Variants in BRINP1 observed in about 807,000 individuals in gnomAD.
The protein encoded by BRINP1 is BMP/retinoic acid inducible neural specific 1, also known as BMP/retinoic acid-inducible neural-specific protein 1.
A neutral mutation model predicts 72.9 loss-of-function variants in BRINP1; 17 were observed. The observed-to-expected ratio is 0.23, with a 90% CI of 0.16 to 0.35. The LOEUF is 0.35. Ranked by LOEUF, BRINP1 falls within the 10% of genes least tolerant of loss-of-function variation. BRINP1 has a pLI of 1.00. For missense variants in BRINP1, 850 were observed against 1,001.6 expected (o/e 0.85, Z 2.04); for synonymous variants, 418 against 378.5 (o/e 1.10, Z -1.21).
At chr9:119,314,805 A>G (rs373513852) in intron 1 of BRINP1, among the ~76,000 whole-genome samples, 1 of 152,172 alleles carries the variant, frequency 6.6e-6, no homozygotes, top group Non-Finnish European at 1.5e-5. Context: ...TAATAATAGC[A>G]CCTACACTCA....
chr9:119,225,239 T>C (rs1246536076), intron 5 of BRINP1, among the ~76,000 whole-genome samples: 2 of 152,046 alleles, frequency 1.3e-5, no homozygotes, highest in Non-Finnish European at 2.9e-5. Flanking sequence ...TGCTACAACA[T>C]AGATGAACCT....
At chr9:119,333,952 G>C (rs930627596) in intron 1 of BRINP1, among the ~76,000 whole-genome samples, 4 of 152,198 alleles carry the variant, frequency 2.6e-5, no homozygotes, top group African/African-American at 9.7e-5. Context: ...GTGTTTTGCA[G>C]ATTAAGGGGC....
chr9:119,365,064 A>G (rs1302789518), intron 1 of BRINP1, among the ~76,000 whole-genome samples: 1 of 152,252 alleles, frequency 6.6e-6, no homozygotes, highest in African/African-American at 2.4e-5. Flanking sequence ...GACCATACTG[A>G]AGAGGGTAAG....
At chr9:119,185,782 G>T (rs2118843655) in intron 7 of BRINP1, among the ~76,000 whole-genome samples, 1 of 152,306 alleles carries the variant, frequency 6.6e-6, no homozygotes, top group East Asian at 1.9e-4. Flanking sequence ...TTAGGGAACT[G>T]CCTGGAGTTT....
intron 5 of BRINP1, among the ~76,000 whole-genome samples, chr9:119,219,354 G>C (rs1024532086): frequency 5.3e-5 from 8 of 152,044 alleles, no homozygotes; most frequent in African/African-American, 1.9e-4. Flanking sequence ...AACATGCTAA[G>C]AATGCATTTT....
chr9:119,205,788 C>G (rs376429868), intron 7 of BRINP1, among the ~76,000 whole-genome samples: 98 of 152,270 alleles, frequency 6.4e-4, no homozygotes, highest in African/African-American at 2.0e-3. Flanking sequence ...GGATCTTACT[C>G]TCCATTTTCT....
At chr9:119,301,832 T>C (rs1004139152) in intron 2 of BRINP1, among the ~76,000 whole-genome samples, 2 of 152,196 alleles carry the variant, frequency 1.3e-5, no homozygotes, top group Admixed American at 1.3e-4. Context: ...AATAAATATG[T>C]ATCTCAAACA....
intron 2 of BRINP1, among the ~76,000 whole-genome samples, chr9:119,298,061 G>C (rs1376027975): frequency 6.6e-6 from 1 of 152,106 alleles, no homozygotes; most frequent in Non-Finnish European, 1.5e-5. Flanking sequence ...ATTTATTCTG[G>C]ACATCTAAAA....
chr9:119,334,478 G>A (rs758679136), intron 1 of BRINP1, among the ~76,000 whole-genome samples: 8 of 152,142 alleles, frequency 5.3e-5, no homozygotes, highest in Non-Finnish European at 1.2e-4. Flanking sequence ...AATTCAACAA[G>A]GGCAAGATAA....
At chr9:119,263,601 C>CTTTTTTTTTTTTTTTTTTTTTTTTT (rs386416080) in intron 2 of BRINP1, among the ~76,000 whole-genome samples, 3 of 78,560 alleles carry the variant, frequency 3.8e-5, no homozygotes, top group Non-Finnish European at 6.5e-5. Context: ...GTAAACAATT[C>CTTTTTTTTTTTTTTTTTTTTTTTTT]TTTTTTTTTT....
chr9:119,348,990 G>A (rs961839785), intron 1 of BRINP1, among the ~76,000 whole-genome samples: 2 of 152,106 alleles, frequency 1.3e-5, no homozygotes, highest in African/African-American at 4.8e-5. Flanking sequence ...ACCTCCTGGG[G>A]CTTTTACAGG....
chr9:119,172,148 G>GAAAT (rs1028627204), intron 7 of BRINP1, among the ~76,000 whole-genome samples: 2 of 151,762 alleles, frequency 1.3e-5, no homozygotes, highest in Non-Finnish European at 2.9e-5. Context: ...AGAACTGAAG[G>GAAAT]AAATAGAGAC....
chr9:119,178,095 C>G (rs1465537353), intron 7 of BRINP1, among the ~76,000 whole-genome samples: 2 of 152,078 alleles, frequency 1.3e-5, no homozygotes, highest in East Asian at 3.9e-4. Context: ...ATGGAGGAGA[C>G]CCTGGACAGG....
At position 119,316,816 on chromosome 9, in the gene BRINP1, C is replaced by T. The variant is rs537395710; in HGVS notation, c.-50-3411G>A. The stretch of plus-strand genomic sequence containing the variant: ...GCCTGCTGAAACAACATCTATTCTG[C>T]AGCCCATAGATCAAGGCATGATTTT... On this transcript the variant is annotated intron_variant, in intron 1 of 7. Coordinates refer to ENST00000265922, the MANE Select transcript of BRINP1 (RefSeq NM_014618.3). Among the ~76,000 whole-genome samples the T allele has an allele frequency of 9.0e-4, 137 of 152,216 alleles. 1 individual carries two copies. Among genetic ancestry groups the T allele is most frequent in the Admixed American group, 4.4e-3 (68 of 15,296 alleles).
At chr9:119,179,722 G>T (rs1378429307) in intron 7 of BRINP1, among the ~76,000 whole-genome samples, 1 of 152,130 alleles carries the variant, frequency 6.6e-6, no homozygotes, top group Non-Finnish European at 1.5e-5. Flanking sequence ...ACACAGCATG[G>T]GAGTAGCAGA....
intron 2 of BRINP1, among the ~76,000 whole-genome samples, chr9:119,282,239 G>GT (rs1830719506): frequency 6.6e-6 from 1 of 151,772 alleles, no homozygotes; most frequent in African/African-American, 2.4e-5. Context: ...AGACGACAGT[G>GT]TTGGGGAGAG....
intron 7 of BRINP1, among the ~76,000 whole-genome samples, chr9:119,190,885 T>C (rs1829676813): frequency 6.6e-6 from 1 of 151,890 alleles, no homozygotes; most frequent in South Asian, 2.1e-4. Context: ...TAATGAACAT[T>C]GATGCAAAAA....
At chr9:119,318,697 T>C (rs370984211) in intron 1 of BRINP1, among the ~76,000 whole-genome samples, 3 of 152,182 alleles carry the variant, frequency 2.0e-5, no homozygotes, top group East Asian at 1.9e-4. Flanking sequence ...CACACAGCCC[T>C]TCTACATGGC....
intron 2 of BRINP1, among the ~76,000 whole-genome samples, chr9:119,266,828 T>C (rs1394657284): frequency 6.6e-6 from 1 of 152,220 alleles, no homozygotes; most frequent in African/African-American, 2.4e-5. Context: ...AATGAAAGAA[T>C]TTCTTTCTTT....
Sources: gnomAD v4.1 joint callset for allele counts (sites outside exome capture counted in the v4.1 genomes callset) on GRCh38, gnomAD v4.1.1 for gene constraint, MANE v1.5 for transcripts, NCBI Gene and HGNC (gene_info 2026-07-23, HGNC 2026-07-21) for gene names.